Variants in FCHSD2 observed in about 807,000 individuals in gnomAD.
FCHSD2 encodes the protein F-BAR and double SH3 domains protein 2.
Under a neutral mutation model 108.1 loss-of-function variants are expected in FCHSD2, and 38 were observed. That is an observed-to-expected ratio of 0.35 (90% CI 0.27 to 0.46). FCHSD2 has a LOEUF of 0.46. Among genes scored for constraint, FCHSD2 ranks in the 20% least tolerant of loss-of-function variants. FCHSD2 has a pLI of 1.00. For synonymous variants in FCHSD2, 279 were observed against 314.7 expected, an observed-to-expected ratio of 0.89 and a Z score of 1.20; for missense variants, 751 against 897.8, an observed-to-expected ratio of 0.84 and a Z score of 2.09.
chr11:73,096,618 A>C (rs970989477), intron 2 of FCHSD2, among the ~76,000 whole-genome samples: 20 of 152,146 alleles, frequency 1.3e-4, no homozygotes, highest in Admixed American at 3.9e-4. Context: ...ATAGAATGTC[A>C]AACACAAGAG....
chr11:73,099,173 C>T (rs1301000715), intron 2 of FCHSD2, among the ~76,000 whole-genome samples: 4 of 152,114 alleles, frequency 2.6e-5, no homozygotes, highest in Admixed American at 2.6e-4. Flanking sequence ...TATGACTGTG[C>T]CACTGCACTC....
intron 8 of FCHSD2, among the ~76,000 whole-genome samples, chr11:72,944,138 C>T (rs1442193003): frequency 2.6e-5 from 4 of 152,044 alleles, no homozygotes; most frequent in African/African-American, 9.7e-5. Flanking sequence ...AACATCGATG[C>T]AAAAATCCTC....
chr11:72,946,194 C>T (rs1856515787), intron 8 of FCHSD2, among the ~76,000 whole-genome samples: 1 of 152,086 alleles, frequency 6.6e-6, no homozygotes, highest in African/African-American at 2.4e-5. Context: ...GGCACATATA[C>T]ACCATGGAAT....
intron 5 of FCHSD2, among the ~76,000 whole-genome samples, chr11:72,990,337 G>A (rs983700384): frequency 2.6e-5 from 4 of 152,054 alleles, no homozygotes; most frequent in African/African-American, 9.7e-5. Flanking sequence ...ATCAATTTGG[G>A]ATAAACTAAA....
intron 3 of FCHSD2, among the ~76,000 whole-genome samples, chr11:73,082,133 T>A (rs1288773488): frequency 6.6e-6 from 1 of 151,736 alleles, no homozygotes; most frequent in African/African-American, 2.4e-5. Flanking sequence ...GTCAAGAGAT[T>A]GAGACCATCC....
intron 2 of FCHSD2, among the ~76,000 whole-genome samples, chr11:73,116,536 GT>G (rs1261826013): frequency 1.3e-5 from 2 of 151,854 alleles, no homozygotes; most frequent in East Asian, 3.9e-4. Flanking sequence ...TCCTTCTTTC[GT>G]TTTTGTTTTT....
intron 3 of FCHSD2, among the ~76,000 whole-genome samples, chr11:73,038,122 T>C (rs539362833): frequency 1.1e-4 from 16 of 152,238 alleles, no homozygotes; most frequent in Admixed American, 9.2e-4. Flanking sequence ...GGTGGGAAGA[T>C]TGCTTGAGGC....
intron 8 of FCHSD2, chr11:72,940,589 G>T (rs1447889929): frequency 1.5e-5 from 21 of 1,416,230 alleles, no homozygotes; most frequent in Middle Eastern, 2.2e-4. Context: ...TGGCAGTACT[G>T]CCAGCTCTCT....
intron 3 of FCHSD2, among the ~76,000 whole-genome samples, chr11:73,077,089 C>T (rs1419252373): frequency 2.4e-5 from 3 of 125,926 alleles, no homozygotes; most frequent in African/African-American, 8.9e-5. Context: ...CAGCCTGAGA[C>T]TCTGTCTCAA....
At chr11:73,035,696 T>TTTA (rs745334765) in intron 3 of FCHSD2, among the ~76,000 whole-genome samples, 8,829 of 125,886 alleles carry the variant, frequency 0.07, 363 homozygotes, top group Middle Eastern at 0.1. Context: ...AATGTTCAGT[T>TTTA]TTTATTTATT....
chr11:72,998,195 T>G (rs1857556846), intron 5 of FCHSD2, among the ~76,000 whole-genome samples: 1 of 152,186 alleles, frequency 6.6e-6, no homozygotes, highest in African/African-American at 2.4e-5. Flanking sequence ...TGCTAGAAGA[T>G]TTTTATATTG....
chr11:72,873,121 A>G (rs1220187612), intron 12 of FCHSD2, among the ~76,000 whole-genome samples: 3 of 151,950 alleles, frequency 2.0e-5, no homozygotes, highest in Non-Finnish European at 4.4e-5. Flanking sequence ...CCAGGTCAGG[A>G]GTTTGAGACC....
intron 5 of FCHSD2, among the ~76,000 whole-genome samples, chr11:73,000,283 A>G (rs1357140291): frequency 1.3e-5 from 2 of 152,168 alleles, no homozygotes; most frequent in Admixed American, 1.3e-4. Context: ...AATATTTTCT[A>G]AAGTATTAAT....
At chr11:73,129,424 A>C (rs1860940799) in intron 2 of FCHSD2, among the ~76,000 whole-genome samples, 1 of 152,088 alleles carries the variant, frequency 6.6e-6, no homozygotes, top group Non-Finnish European at 1.5e-5. Context: ...TTGCCACCTG[A>C]GCTCCGCCTC....
At chr11:73,004,489 C>T (rs1453503978) in intron 4 of FCHSD2, among the ~76,000 whole-genome samples, 2 of 152,208 alleles carry the variant, frequency 1.3e-5, no homozygotes, top group African/African-American at 2.4e-5. Context: ...TAAGAACCCA[C>T]AATCCATTTG....
At chr11:73,075,370 C>A (rs1283081933) in intron 3 of FCHSD2, among the ~76,000 whole-genome samples, 5 of 152,144 alleles carry the variant, frequency 3.3e-5, no homozygotes, top group Non-Finnish European at 7.3e-5. Context: ...CACAGTGGCA[C>A]CATTCATAAT....
intron 12 of FCHSD2, among the ~76,000 whole-genome samples, chr11:72,877,019 T>C (rs955909187): frequency 5.9e-5 from 9 of 151,986 alleles, no homozygotes; most frequent in African/African-American, 2.2e-4. Flanking sequence ...TTGTCTACGC[T>C]GCAGTGCAGT....
intron 2 of FCHSD2, among the ~76,000 whole-genome samples, chr11:73,089,487 T>C (rs1859901963): frequency 6.6e-6 from 1 of 152,210 alleles, no homozygotes; most frequent in Non-Finnish European, 1.5e-5. Flanking sequence ...TAAATGAATG[T>C]TCACAGCAGC....
At chr11:72,900,005 C>T (rs1855494827) in intron 10 of FCHSD2, among the ~76,000 whole-genome samples, 1 of 152,140 alleles carries the variant, frequency 6.6e-6, no homozygotes, top group South Asian at 2.1e-4. Context: ...AAGATTAGCT[C>T]TAAGGTTCTC....
Sources: allele counts gnomAD v4.1 joint callset (sites outside exome capture counted in the v4.1 genomes callset), GRCh38; gene constraint gnomAD v4.1.1; transcripts MANE v1.5; gene names NCBI Gene and HGNC (gene_info 2026-07-23, HGNC 2026-07-21).